TTC12: variants seen among roughly 807,000 people sequenced by gnomAD.
TTC12 encodes tetratricopeptide repeat protein 12.
Under a neutral mutation model 90.1 loss-of-function variants are expected in TTC12, and 70 were observed. That is an observed-to-expected ratio of 0.78 (90% CI 0.64 to 0.95). The LOEUF (loss-of-function observed/expected upper bound fraction) is 0.95, where lower values mean the gene tolerates loss of function less well. Among genes scored for constraint, TTC12 ranks in the 40% least tolerant of loss-of-function variants. The pLI, the probability that TTC12 is intolerant of heterozygous loss-of-function variation, is 0.00. For synonymous variants in TTC12, 296 were observed against 311.5 expected (o/e 0.95, Z 0.53); for missense variants, 819 against 846.1 (o/e 0.97, Z 0.40).
At chr11:113,360,854 A>G (rs1949888261) in intron 18 of TTC12, among the ~76,000 whole-genome samples, 1 of 152,194 alleles carries the variant, frequency 6.6e-6, no homozygotes, top group Admixed American at 6.5e-5. Flanking sequence ...GTCAATTCAG[A>G]CAGGATAGGG....
intron 7 of TTC12, 71 bp from the exon 8 acceptor site, chr11:113,334,895 G>A: frequency 7.9e-7 from 1 of 1,268,736 alleles, no homozygotes; most frequent in East Asian, 2.3e-5. Flanking sequence ...TCTTTTAGCT[G>A]TATAGTGAGG....
Position 113,327,540 on chromosome 11 carries a change from T to C in TTC12, c.444+1895T>C, listed in dbSNP as rs553647420. Among the ~76,000 whole-genome samples, 35 of 152,296 alleles carry C rather than the reference T, an allele frequency of 2.3e-4. No homozygotes were observed. In the East Asian group the frequency reaches 6.4e-3, roughly 28 times the overall value. ...CGGTATAATTTAGATAAATCTGGAG[T>C]TTAATTGCTGTTTGGAAAAAGTAGT... On this transcript the variant is annotated intron_variant, in intron 6 of 21. Coordinates refer to ENST00000529221, the MANE Select transcript of TTC12 (RefSeq NM_017868.4).
At chr11:113,357,174 C>G (rs1949679908) in intron 16 of TTC12, among the ~76,000 whole-genome samples, 1 of 152,112 alleles carries the variant, frequency 6.6e-6, no homozygotes, top group Admixed American at 6.6e-5. Flanking sequence ...TTCAGAAAGC[C>G]TGTGTTCAAG....
chr11:113,331,299 T>C (rs2137957838), intron 7 of TTC12, among the ~76,000 whole-genome samples: 1 of 152,318 alleles, frequency 6.6e-6, no homozygotes, highest in South Asian at 2.1e-4. Flanking sequence ...AATGGTTTAT[T>C]TTTCTACCAT....
intron 7 of TTC12, among the ~76,000 whole-genome samples, chr11:113,331,917 A>G (rs1259503308): frequency 6.6e-6 from 1 of 152,234 alleles, no homozygotes; most frequent in Non-Finnish European, 1.5e-5. Flanking sequence ...AAAACTAATA[A>G]TGATTTGTTT....
chr11:113,321,020 AAG>A (rs1451745895), intron 2 of TTC12, among the ~76,000 whole-genome samples: 1 of 152,220 alleles, frequency 6.6e-6, no homozygotes, highest in Non-Finnish European at 1.5e-5. Context: ...TTAAAAAAAA[AAG>A]AATTTTTTAA....
downstream of TTC12, chr11:113,368,730 C>T (rs1950295940): frequency 1.1e-5 from 6 of 554,660 alleles, no homozygotes; most frequent in Non-Finnish European, 1.9e-5. Flanking sequence ...CTATTGTAAA[C>T]ACTTTTTTAA....
At chr11:113,319,118 C>T (rs1591508983) in intron 2 of TTC12, among the ~76,000 whole-genome samples, 1 of 152,310 alleles carries the variant, frequency 6.6e-6, no homozygotes, top group Admixed American at 6.5e-5. Context: ...AGGTTAACCT[C>T]CTGATAAATC....
At chr11:113,350,912 C>T (rs2138035229) in intron 14 of TTC12, among the ~76,000 whole-genome samples, 2 of 152,326 alleles carry the variant, frequency 1.3e-5, no homozygotes, top group South Asian at 4.1e-4. Flanking sequence ...TTGCCTTCCG[C>T]ACCGCACACA....
At chr11:113,369,834 CTT>C (rs1020267769), downstream of TTC12, among the ~76,000 whole-genome samples, 1 of 152,184 alleles carries the variant, frequency 6.6e-6, no homozygotes, top group Non-Finnish European at 1.5e-5. Flanking sequence ...AATGGCGACT[CTT>C]TTTGAGAACA....
intron 8 of TTC12, 124 bp downstream of exon 8, chr11:113,335,161 G>A: frequency 2.7e-6 from 2 of 739,588 alleles, no homozygotes; most frequent in East Asian, 5.5e-5. Flanking sequence ...TATTTTCCAA[G>A]GTAAAGCTCA....
chr11:113,368,806 G>A, downstream of TTC12: 1 of 412,228 alleles, frequency 2.4e-6, no homozygotes, highest in Non-Finnish European at 4.3e-6. Context: ...AGAAGTATTA[G>A]GTTGGTGCAA....
At chr11:113,323,960 GTTTC>G in intron 3 of TTC12, 30 bp from the exon 4 acceptor site, 1 of 1,581,710 alleles carries the variant, frequency 6.3e-7, no homozygotes. Context: ...TTTGAAATTT[GTTTC>G]TTTGTTTTTA....
At chr11:113,337,198 A>G (rs1302658986) in intron 8 of TTC12, among the ~76,000 whole-genome samples, 5 of 152,224 alleles carry the variant, frequency 3.3e-5, no homozygotes, top group African/African-American at 1.2e-4. Flanking sequence ...TATTTATTGC[A>G]TGCTTTCTAT....
In TTC12 at chr11:113,320,379, T is replaced by C. The variant is rs559570346; in HGVS notation, c.59-2909T>C. 4.6e-5 allele frequency among the ~76,000 whole-genome samples: 7 copies of C among 152,006 alleles called. No individual in the cohort carries two copies. In the South Asian group the frequency reaches 1.2e-3, roughly 27 times the overall value. ...TGAGATGAGGACACAAGCAGACAAA[T>C]GGCAGAACGACACAGTAGAGAAAAG... On this transcript the variant is annotated intron_variant, in intron 2 of 21. Coordinates refer to ENST00000529221, the MANE Select transcript of TTC12 (RefSeq NM_017868.4).
rs184875815 is a variant in TTC12, at chr11:113,327,931, G to A, written c.445-1989G>A. On this transcript the variant is annotated intron_variant, in intron 6 of 21. Transcript: ENST00000529221. ...CTTCCTTGCTATGGGAGCCAAGAGC[G>A]GCATGATTTCAATTCATTTGCTGGC... is the stretch of plus-strand genomic sequence containing the variant. 4.6e-5 allele frequency among the ~76,000 whole-genome samples: 7 copies of A among 152,288 alleles called. No homozygotes were observed. In the South Asian group the frequency reaches 6.2e-4, roughly 14 times the overall value.
At chr11:113,371,503 A>G (rs1365831543) in intron 21 of TTC12, 1 of 152,160 alleles carries the variant, frequency 6.6e-6, no homozygotes. Context: ...GTTGGAGTCC[A>G]TCTGATTCAT....
intron 15 of TTC12, 107 bp from the exon 16 acceptor site, chr11:113,351,963 A>T: frequency 2.3e-6 from 3 of 1,292,530 alleles, no homozygotes; most frequent in Non-Finnish European, 3.2e-6. Flanking sequence ...ACATGAAGCT[A>T]TCTGGTTGGT....
At chr11:113,345,001 A>G (rs1948869786) in intron 13 of TTC12, among the ~76,000 whole-genome samples, 1 of 152,196 alleles carries the variant, frequency 6.6e-6, no homozygotes, top group South Asian at 2.1e-4. Flanking sequence ...CCCGTCCTTT[A>G]TAATTTATTA....
Sources: allele counts gnomAD v4.1 joint callset (sites outside exome capture counted in the v4.1 genomes callset), GRCh38; gene constraint gnomAD v4.1.1; transcripts MANE v1.5; gene names NCBI Gene and HGNC (gene_info 2026-07-23, HGNC 2026-07-21).